The following TENM2 variants were observed in gnomAD, a reference collection of about 807,000 sequenced individuals.
TENM2 encodes teneurin transmembrane protein 2, also known as teneurin-2.
Under a neutral mutation model 245.2 loss-of-function variants are expected in TENM2, and 52 were observed. The ratio of observed to expected loss-of-function variants is 0.21; its 90% CI spans 0.17 to 0.27. TENM2 has a LOEUF of 0.27. TENM2 is among the 10% of genes least tolerant of loss of function. TENM2 has a pLI of 1.00. For missense variants in TENM2, 3,046 were observed against 3,666.8 expected, an observed-to-expected ratio of 0.83 and a Z score of 4.37; for synonymous variants, 1,363 against 1,438.9, an observed-to-expected ratio of 0.95 and a Z score of 1.19.
At chr5:168,262,001 G>A (rs1308413552) in intron 28 of TENM2, 48 bp from the exon 31 acceptor site, 2 of 1,573,566 alleles carry the variant, frequency 1.3e-6, no homozygotes, top group South Asian at 2.3e-5. Context: ...TTTTGAGAGA[G>A]CTGCCCAGCT....
chr5:167,335,574 G>A (rs998978833), intron 1 of TENM2, among the ~76,000 whole-genome samples: 2 of 151,584 alleles, frequency 1.3e-5, no homozygotes, highest in Non-Finnish European at 2.9e-5. Context: ...TTATCACAGC[G>A]ATTTCACAAT....
intron 12 of TENM2, among the ~76,000 whole-genome samples, chr5:168,151,443 T>G (rs1488753802): frequency 6.6e-6 from 1 of 152,230 alleles, no homozygotes; most frequent in Non-Finnish European, 1.5e-5. Flanking sequence ...TGGAGGACAC[T>G]TTTAATAAAA....
the TENM2 span, among the ~76,000 whole-genome samples, chr5:167,003,204 AAC>A: frequency 8.9e-4 from 136 of 152,312 alleles, no homozygotes; most frequent in Non-Finnish European, 1.4e-3. Context: ...TAATAAATTA[AAC>A]AGACATGATA....
the TENM2 span, among the ~76,000 whole-genome samples, chr5:167,106,947 A>G: frequency 1.3e-3 from 192 of 152,182 alleles, no homozygotes; most frequent in African/African-American, 4.2e-3. Flanking sequence ...AAAGAAGAAG[A>G]AAAAAGACAA....
chr5:166,989,208 A>G, the TENM2 span, among the ~76,000 whole-genome samples: 3 of 136,446 alleles, frequency 2.2e-5, no homozygotes, highest in African/African-American at 8.3e-5. Context: ...GGATGGGTGG[A>G]TGGGATATGG....
intron 2 of TENM2, among the ~76,000 whole-genome samples, chr5:167,427,956 GGAAA>G (rs1190068959): frequency 1.3e-5 from 2 of 151,394 alleles, no homozygotes; most frequent in East Asian, 3.9e-4. Flanking sequence ...AAGGAAGGAA[GGAAA>G]GAAAGAAAAA....
At chr5:167,005,389 G>C in the TENM2 span, among the ~76,000 whole-genome samples, 1 of 152,118 alleles carries the variant, frequency 6.6e-6, no homozygotes, top group Non-Finnish European at 1.5e-5. Context: ...ACATTCTTTA[G>C]GAGAACCGTT....
At chr5:168,075,462 A>G (rs2152144357) in intron 7 of TENM2, among the ~76,000 whole-genome samples, 1 of 152,278 alleles carries the variant, frequency 6.6e-6, no homozygotes, top group East Asian at 1.9e-4. Flanking sequence ...TATCCACCTC[A>G]GTAAGCACCA....
At chr5:168,009,640 G>A (rs1282943028) in intron 5 of TENM2, among the ~76,000 whole-genome samples, 1 of 152,146 alleles carries the variant, frequency 6.6e-6, no homozygotes, top group East Asian at 1.9e-4. Flanking sequence ...CTCACCTGGG[G>A]AATTTAGAAT....
intron 2 of TENM2, among the ~76,000 whole-genome samples, chr5:167,387,224 C>T (rs1476783266): frequency 6.6e-6 from 1 of 151,616 alleles, no homozygotes; most frequent in Non-Finnish European, 1.5e-5. Flanking sequence ...TCTTTCACCT[C>T]CTTGGTTAGG....
At chr5:167,028,069 C>CAA in the TENM2 span, among the ~76,000 whole-genome samples, 614 of 92,194 alleles carry the variant, frequency 6.7e-3, 5 homozygotes, top group South Asian at 0.015. Context: ...GATTCCATCT[C>CAA]AAAAAAAAAA....
rs145109919 is a variant in TENM2 at position 167,852,470 on chromosome 5, C to T, written c.503-23516C>T. On this transcript the variant is annotated intron_variant, in intron 2 of 28. Coordinates refer to ENST00000518659, the Ensembl canonical transcript of TENM2. ...CAAAAGACATTCAGCAGCTGCAAAACGGTAGCATCTTTTAGCTGTAAATTG... is the reference window on the plus strand; with the variant it reads ...CAAAAGACATTCAGCAGCTGCAAAATGGTAGCATCTTTTAGCTGTAAATTG... Among the ~76,000 whole-genome samples the T allele has an allele frequency of 2.9e-3, 439 of 152,274 alleles. 3 individuals carry two copies. Among genetic ancestry groups the T allele is most frequent in the African/African-American group, 0.01 (420 of 41,556 alleles).
chr5:167,313,408 G>A (rs769754993), intron 1 of TENM2, among the ~76,000 whole-genome samples: 2 of 152,134 alleles, frequency 1.3e-5, no homozygotes, highest in Non-Finnish European at 2.9e-5. Flanking sequence ...TTGGGAGGCC[G>A]AGGCAGGTGG....
At chr5:167,010,604 A>C in the TENM2 span, among the ~76,000 whole-genome samples, 1 of 152,250 alleles carries the variant, frequency 6.6e-6, no homozygotes, top group Non-Finnish European at 1.5e-5. Flanking sequence ...AGAGTTAGCT[A>C]TTCTGCCACG....
At chr5:167,262,847 G>T in the TENM2 span, among the ~76,000 whole-genome samples, 9 of 152,204 alleles carry the variant, frequency 5.9e-5, no homozygotes. Flanking sequence ...CATAGACTGG[G>T]TGGCCTATTA....
chr5:168,141,713 A>C (rs867425918), intron 12 of TENM2, among the ~76,000 whole-genome samples: 2 of 152,346 alleles, frequency 1.3e-5, no homozygotes, highest in Middle Eastern at 6.8e-3. Context: ...TATATACCTA[A>C]GTGTATAGGG....
chr5:167,764,097 G>C (rs2150726626), intron 2 of TENM2, among the ~76,000 whole-genome samples: 1 of 152,008 alleles, frequency 6.6e-6, no homozygotes, highest in East Asian at 1.9e-4. Context: ...GGGAGATGCT[G>C]AAAAATTCTC....
Position 168,218,504 on chromosome 5 carries a change from C to A in TENM2, c.4613C>A (p.Ala1538Glu). The A allele has an allele frequency of 6.2e-7, 1 of 1,614,016 alleles. No individual in the cohort carries two copies. Among genetic ancestry groups the A allele is most frequent in the Non-Finnish European group, 8.5e-7 (1 of 1,179,902 alleles). The change falls in exon 23 of 29, where the codon GCG becomes GAG. Residue 1538 changes from alanine to glutamate, a missense_variant. Physicochemically the swap from Ala to Glu is moderately radical, Grantham distance 107 (BLOSUM62 -1). Around this residue, in one of 2 missense-constraint regions of TENM2, gnomAD observed 2,704 missense variants for 3,331.9 expected, o/e 0.81. Coordinates refer to ENST00000518659, the Ensembl canonical transcript of TENM2. The surrounding 1 kb of genome is among the most constrained non-coding windows in gnomAD (Gnocchi z 5.2). ...TGCTATTCAGGAGATGATGCCTACG[C>A]GACTGATGCCATCTTGAATTCCCCA...
intron 2 of TENM2, among the ~76,000 whole-genome samples, chr5:167,410,181 T>C (rs943614928): frequency 6.6e-6 from 1 of 152,036 alleles, no homozygotes; most frequent in Non-Finnish European, 1.5e-5. Context: ...ATGTCAGATC[T>C]GGTTAATCAG....
Sources: gnomAD v4.1 joint callset for allele counts (sites outside exome capture counted in the v4.1 genomes callset) on GRCh38, gnomAD v4.1.1 for gene constraint, gnomAD v4.1.1 regional missense constraint, Gnocchi (gnomAD v3.1) non-coding constraint, MANE v1.5 for transcripts, NCBI Gene and HGNC (gene_info 2026-07-23, HGNC 2026-07-21) for gene names.